Variants in HPSE2 observed in about 807,000 individuals in gnomAD.
The protein encoded by HPSE2 is inactive heparanase-2.
Under a neutral mutation model 60.5 loss-of-function variants are expected in HPSE2, and 38 were observed. The ratio of observed to expected loss-of-function variants is 0.63; its 90% CI spans 0.48 to 0.82. HPSE2 has a LOEUF of 0.82. Ranked by LOEUF, HPSE2 falls within the 40% of genes least tolerant of loss-of-function variation. The pLI, the probability that HPSE2 is intolerant of heterozygous loss-of-function variation, is 0.00. For missense variants in HPSE2, 713 were observed against 740.4 expected, an observed-to-expected ratio of 0.96 and a Z score of 0.43; for synonymous variants, 295 against 293.2, an observed-to-expected ratio of 1.01 and a Z score of -0.06.
At chr10:99,040,179 C>T (rs1238565598) in intron 3 of HPSE2, among the ~76,000 whole-genome samples, 1 of 152,134 alleles carries the variant, frequency 6.6e-6, no homozygotes, top group Non-Finnish European at 1.5e-5. Flanking sequence ...ATATCACAGG[C>T]ATCTTTCCAT....
chr10:99,286,993 T>C, the HPSE2 span, among the ~76,000 whole-genome samples: 1 of 152,198 alleles, frequency 6.6e-6, no homozygotes, highest in African/African-American at 2.4e-5. Flanking sequence ...TCTTAATCAC[T>C]ATCCTATACT....
chr10:98,868,072 A>T (rs1023564894), intron 3 of HPSE2, among the ~76,000 whole-genome samples: 1 of 116,624 alleles, frequency 8.6e-6, no homozygotes, highest in Non-Finnish European at 1.7e-5. Flanking sequence ...AAAAAAAGAA[A>T]GAAAGAAAAT....
intron 3 of HPSE2, among the ~76,000 whole-genome samples, chr10:98,924,758 T>A (rs1306672307): frequency 3.9e-5 from 6 of 152,196 alleles, no homozygotes; most frequent in Non-Finnish European, 4.4e-5. Flanking sequence ...GTTCACTGGC[T>A]TGAAGCCCAG....
At chr10:98,615,209 C>A (rs1378455823) in intron 8 of HPSE2, among the ~76,000 whole-genome samples, 191 bp from the exon 9 acceptor site, 1 of 152,118 alleles carries the variant, frequency 6.6e-6, no homozygotes, top group African/African-American at 2.4e-5. Context: ...TCAAATCCAA[C>A]CTCTTCATTT....
chr10:99,222,257 G>A (rs1271467515), intron 2 of HPSE2, among the ~76,000 whole-genome samples: 1 of 152,088 alleles, frequency 6.6e-6, no homozygotes, highest in Non-Finnish European at 1.5e-5. Context: ...CCACAGCTCA[G>A]CCATTTACTA....
chr10:98,925,704 C>T (rs140654142), intron 3 of HPSE2, among the ~76,000 whole-genome samples: 8 of 152,262 alleles, frequency 5.3e-5, no homozygotes, highest in East Asian at 1.9e-4. Flanking sequence ...AGAAATAGGA[C>T]ACAAATTTTT....
chr10:98,581,355 CT>C (rs1327464121), intron 9 of HPSE2, among the ~76,000 whole-genome samples: 1 of 152,026 alleles, frequency 6.6e-6, no homozygotes, highest in African/African-American at 2.4e-5. Context: ...CAATTTTTAC[CT>C]TGACAAATCC....
intron 3 of HPSE2, among the ~76,000 whole-genome samples, chr10:98,981,150 TAC>T (rs1956196294): frequency 6.6e-6 from 1 of 152,196 alleles, no homozygotes; most frequent in Admixed American, 6.6e-5. Flanking sequence ...GAATCAACTC[TAC>T]ACTTATATAA....
At chr10:99,159,989 AAGTT>A (rs978099576) in intron 2 of HPSE2, among the ~76,000 whole-genome samples, 2 of 151,650 alleles carry the variant, frequency 1.3e-5, no homozygotes, top group African/African-American at 4.8e-5. Context: ...AAAAATATAA[AAGTT>A]AGCCAGGCAT....
intron 9 of HPSE2, among the ~76,000 whole-genome samples, chr10:98,600,286 T>C (rs1450149824): frequency 2.0e-5 from 3 of 152,206 alleles, no homozygotes; most frequent in Non-Finnish European, 4.4e-5. Context: ...ACAGATAACA[T>C]GTTAATGATT....
chr10:98,595,673 C>A (rs1315000867), intron 9 of HPSE2, among the ~76,000 whole-genome samples: 3 of 152,026 alleles, frequency 2.0e-5, no homozygotes, highest in African/African-American at 7.3e-5. Flanking sequence ...TTATTATTTT[C>A]CAATGTGGAT....
intron 9 of HPSE2, among the ~76,000 whole-genome samples, chr10:98,610,542 A>G (rs966756643): frequency 1.3e-5 from 2 of 152,212 alleles, no homozygotes; most frequent in Non-Finnish European, 2.9e-5. Flanking sequence ...GCAGGCACTC[A>G]ATAAGTGTGC....
the HPSE2 span, among the ~76,000 whole-genome samples, chr10:99,306,081 G>A: frequency 6.6e-6 from 1 of 151,318 alleles, no homozygotes; most frequent in African/African-American, 2.4e-5. Flanking sequence ...GACACAGACA[G>A]AGAGGGAAAA....
chr10:99,161,347 T>C (rs1230091722), intron 2 of HPSE2, among the ~76,000 whole-genome samples: 1 of 151,740 alleles, frequency 6.6e-6, no homozygotes, highest in African/African-American at 2.4e-5. Flanking sequence ...ATCCATAAAA[T>C]GAAATGCCAT....
intron 3 of HPSE2, among the ~76,000 whole-genome samples, chr10:98,960,717 TTTTG>T (rs1564692667): frequency 1.6e-3 from 34 of 21,930 alleles, no homozygotes; most frequent in Non-Finnish European, 1.8e-3. Flanking sequence ...TTTTTTTTTT[TTTTG>T]TTTTATTTTT....
chr10:99,242,770 C>A, the HPSE2 span, among the ~76,000 whole-genome samples: 1 of 152,164 alleles, frequency 6.6e-6, no homozygotes. Flanking sequence ...TTTATCCTTG[C>A]TGAGTCCCAA....
intron 11 of HPSE2, among the ~76,000 whole-genome samples, chr10:98,474,026 C>T (rs1940896138): frequency 6.6e-6 from 1 of 152,136 alleles, no homozygotes; most frequent in Non-Finnish European, 1.5e-5. Context: ...TTTAAATGAT[C>T]CCAGACAAGT....
intron 2 of HPSE2, among the ~76,000 whole-genome samples, chr10:99,192,595 T>A (rs1339455956): frequency 8.2e-6 from 1 of 122,644 alleles, no homozygotes; most frequent in Admixed American, 8.8e-5. Context: ...TGCCACCATA[T>A]CTGGCTAATT....
intron 2 of HPSE2, among the ~76,000 whole-genome samples, chr10:99,188,794 C>T (rs12571054): frequency 0.021 from 3,179 of 152,212 alleles, 114 homozygotes; most frequent in East Asian, 0.16. Flanking sequence ...TTTATAACAT[C>T]GAAATGTAAA....
Sources: allele counts gnomAD v4.1 joint callset (sites outside exome capture counted in the v4.1 genomes callset), GRCh38; gene constraint gnomAD v4.1.1; transcripts MANE v1.5; gene names NCBI Gene and HGNC (gene_info 2026-07-23, HGNC 2026-07-21).